The following SLCO6A1 variants were observed in gnomAD, a reference collection of about 807,000 sequenced individuals.
SLCO6A1 encodes solute carrier organic anion transporter family member 6A1.
Under a neutral mutation model 72.7 loss-of-function variants are expected in SLCO6A1, and 65 were observed. The observed-to-expected ratio is 0.89, with a 90% CI of 0.73 to 1.10. SLCO6A1 has a LOEUF of 1.10. SLCO6A1 is among the 50% of genes least tolerant of loss of function. The pLI is 0.00. For missense variants in SLCO6A1, 874 were observed against 872.6 expected (o/e 1.00, Z -0.02); for synonymous variants, 314 against 298.2 (o/e 1.05, Z -0.55).
chr5:102,482,524 T>C (rs1347590132), intron 1 of SLCO6A1, among the ~76,000 whole-genome samples: 3 of 152,146 alleles, frequency 2.0e-5, no homozygotes, highest in Non-Finnish European at 4.4e-5. Context: ...CACTACAAAC[T>C]TGTTTACTAC....
intron 4 of SLCO6A1, among the ~76,000 whole-genome samples, chr5:102,461,470 T>C (rs959170065): frequency 2.0e-5 from 3 of 152,058 alleles, no homozygotes; most frequent in Admixed American, 6.6e-5. Context: ...CAATGTTGGA[T>C]GAAAAACAAT....
chr5:102,410,632 T>C (rs1747922907), intron 9 of SLCO6A1, among the ~76,000 whole-genome samples: 1 of 152,128 alleles, frequency 6.6e-6, no homozygotes, highest in Non-Finnish European at 1.5e-5. Context: ...GGTAGAGTGG[T>C]CAACTGTTTT....
chr5:102,474,216 T>C (rs1159070184), intron 4 of SLCO6A1, among the ~76,000 whole-genome samples: 2 of 152,010 alleles, frequency 1.3e-5, no homozygotes, highest in African/African-American at 4.8e-5. Flanking sequence ...ATGGTACTGG[T>C]ATAAAGACCG....
intron 6 of SLCO6A1, among the ~76,000 whole-genome samples, chr5:102,452,168 A>G (rs1580452036): frequency 1.3e-5 from 2 of 152,218 alleles, no homozygotes; most frequent in East Asian, 3.8e-4. Flanking sequence ...TTATGCAAAT[A>G]TATAGTCCCT....
At chr5:102,456,144 A>G (rs1198804228) in intron 6 of SLCO6A1, among the ~76,000 whole-genome samples, 1 of 152,226 alleles carries the variant, frequency 6.6e-6, no homozygotes, top group Non-Finnish European at 1.5e-5. Context: ...ACCACAGCCA[A>G]TATCATACTG....
chr5:102,449,335 G>T (rs1481559538), intron 6 of SLCO6A1, among the ~76,000 whole-genome samples: 2 of 151,524 alleles, frequency 1.3e-5, no homozygotes, highest in African/African-American at 4.8e-5. Context: ...TGATAACTAT[G>T]TCTCTTGGGG....
intron 5 of SLCO6A1, 78 bp downstream of exon 5, chr5:102,459,578 C>T (rs969866723): frequency 5.0e-6 from 7 of 1,404,416 alleles, no homozygotes; most frequent in Non-Finnish European, 5.7e-6. Flanking sequence ...AAATGTAATA[C>T]AGTCATTCTA....
At chr5:102,484,204 C>T (rs1187383391) in intron 1 of SLCO6A1, among the ~76,000 whole-genome samples, 2 of 152,132 alleles carry the variant, frequency 1.3e-5, no homozygotes, top group South Asian at 2.1e-4. Flanking sequence ...TCTAGTGAAC[C>T]ATAATTCACA....
At chr5:102,460,680 C>T (rs1028753204) in intron 4 of SLCO6A1, among the ~76,000 whole-genome samples, 5 of 151,812 alleles carry the variant, frequency 3.3e-5, no homozygotes, top group African/African-American at 1.2e-4. Context: ...TCCACAGAAA[C>T]CATAGTTTTG....
At chr5:102,471,064 T>C (rs1751586000) in intron 4 of SLCO6A1, among the ~76,000 whole-genome samples, 1 of 152,014 alleles carries the variant, frequency 6.6e-6, no homozygotes, top group African/African-American at 2.4e-5. Flanking sequence ...TTTCGTGAGT[T>C]GTTGTAATGA....
chr5:102,456,350 G>A (rs1208305406), intron 6 of SLCO6A1, among the ~76,000 whole-genome samples: 1 of 152,116 alleles, frequency 6.6e-6, no homozygotes, highest in East Asian at 1.9e-4. Context: ...TGTATATCTA[G>A]AAAACCCCAT....
intron 12 of SLCO6A1, among the ~76,000 whole-genome samples, chr5:102,387,885 A>G (rs1222076684): frequency 6.6e-6 from 1 of 152,152 alleles, no homozygotes; most frequent in Non-Finnish European, 1.5e-5. Context: ...AAGATCTGAT[A>G]AGTTTTCCAA....
In SLCO6A1 at chr5:102,388,968, T is replaced by C. The variant is rs1746581466; in HGVS notation, c.1880-143A>G. Reference sequence around the variant, plus strand: ...AATTAGCTAATAATTTATTTATAAATAGGATTGTTAATCACTGGAAACAAT... The same window carrying C: ...AATTAGCTAATAATTTATTTATAAACAGGATTGTTAATCACTGGAAACAAT... On this transcript the variant is annotated intron_variant, in intron 11 of 13. Coordinates refer to ENST00000506729, the MANE Select transcript of SLCO6A1 (RefSeq NM_173488.5). 4 of 750,052 alleles carry C rather than the reference T, an allele frequency of 5.3e-6. No homozygotes were observed. The South Asian group carries it at 9.3e-5, about 17-fold the overall frequency. The allele number at this position is 750,052 out of a possible 1,614,324, so 46.5% of individuals were successfully genotyped here.
intron 1 of SLCO6A1, among the ~76,000 whole-genome samples, chr5:102,493,734 TA>T (rs1031852141): frequency 2.0e-5 from 3 of 152,120 alleles, no homozygotes; most frequent in Non-Finnish European, 2.9e-5. Flanking sequence ...TAATGTATAC[TA>T]AAAAATCCTA....
chr5:102,491,165 C>T (rs1752658910), intron 1 of SLCO6A1, among the ~76,000 whole-genome samples: 1 of 152,164 alleles, frequency 6.6e-6, no homozygotes, highest in Non-Finnish European at 1.5e-5. Flanking sequence ...TACAGAGTGT[C>T]CATTGGTGCA....
intron 6 of SLCO6A1, among the ~76,000 whole-genome samples, chr5:102,451,960 C>T (rs1324636976): frequency 1.3e-5 from 2 of 152,292 alleles, no homozygotes; most frequent in South Asian, 2.1e-4. Context: ...CATTTACTTG[C>T]TTTCAAAGGA....
rs1352061511 is a variant in SLCO6A1, at chr5:102,423,270, AC to A, written c.1277-3250del. On this transcript the variant is annotated intron_variant, in intron 7 of 13. Coordinates refer to ENST00000506729, the MANE Select transcript of SLCO6A1 (RefSeq NM_173488.5). ...GATGACAGGATCAAATTCGCACATA[AC>A]AATATTAACCTTAAATGTAAATAGG... 2.0e-5 allele frequency among the ~76,000 whole-genome samples: 3 copies of A among 152,228 alleles called. No homozygotes were observed. In the East Asian group the frequency reaches 5.8e-4, roughly 29 times the overall value.
intron 4 of SLCO6A1, among the ~76,000 whole-genome samples, chr5:102,470,574 C>T (rs771574336): frequency 9.9e-5 from 15 of 151,984 alleles, no homozygotes; most frequent in East Asian, 5.8e-4. Flanking sequence ...GTCTTGCTAG[C>T]GGTCTATTTT....
At chr5:102,430,377 G>GCCA (rs1749148392) in intron 7 of SLCO6A1, among the ~76,000 whole-genome samples, 41 of 149,960 alleles carry the variant, frequency 2.7e-4, no homozygotes, top group East Asian at 5.9e-4. Context: ...TCCTTGTTCT[G>GCCA]GTTTTCAAGG....
Sources: gnomAD v4.1 joint callset for allele counts (sites outside exome capture counted in the v4.1 genomes callset) on GRCh38, gnomAD v4.1.1 for gene constraint, MANE v1.5 for transcripts, NCBI Gene and HGNC (gene_info 2026-07-23, HGNC 2026-07-21) for gene names.